The following EVC2 variants were observed in gnomAD, a reference collection of about 807,000 sequenced individuals.
EVC2 encodes EvC ciliary complex subunit 2.
EVC2 carries 148 observed loss-of-function variants against 149.3 expected under a neutral mutation model. That is an observed-to-expected ratio of 0.99 (90% confidence interval 0.87 to 1.14). EVC2 has a LOEUF of 1.14. Ranked by LOEUF, EVC2 falls within the 50% of genes most tolerant of loss-of-function variation. The probability of loss-of-function intolerance (pLI) is 0.00; values close to 1 mark genes in which losing one functional copy is unlikely to be tolerated. For missense variants in EVC2, 1,854 were observed against 1,627.3 expected, an observed-to-expected ratio of 1.14 and a Z score of -2.40; for synonymous variants, 776 against 649.9, an observed-to-expected ratio of 1.19 and a Z score of -2.95.
rs375393612 is a variant in EVC2 at position 5,628,690 on chromosome 4, C to T, written c.1755G>A (p.Arg585=). 2.7e-5 allele frequency: 44 copies of T among 1,613,608 alleles called. No homozygotes were observed. Among genetic ancestry groups the T allele is most frequent in the Non-Finnish European group, 3.5e-5 (41 of 1,179,966 alleles). ...ELMDFFQASK[R]YHLSKRFGHR... ...GGCCAAATCTTTTACTTAGATGATACCTCTTACTAGCCTGGAAAAAGTCCA... is the reference window on the plus strand; with the variant it reads ...GGCCAAATCTTTTACTTAGATGATATCTCTTACTAGCCTGGAAAAAGTCCA... Residue 585 remains arginine (R), a synonymous_variant, in exon 12 of 22, where the codon AGG becomes AGA. Transcript: ENST00000344408.
At chr4:5,695,933 T>C (rs948459289) in intron 2 of EVC2, among the ~76,000 whole-genome samples, 1 of 152,164 alleles carries the variant, frequency 6.6e-6, no homozygotes, top group Non-Finnish European at 1.5e-5. Flanking sequence ...ATTACAGTAT[T>C]TTTTTCCTTC....
At chr4:5,548,128 C>T (rs1170018120) in intron 21 of EVC2, among the ~76,000 whole-genome samples, 1 of 152,096 alleles carries the variant, frequency 6.6e-6, no homozygotes, top group East Asian at 2.0e-4. Flanking sequence ...CCCCTTGCCA[C>T]TCCATGCCTT....
At chr4:5,544,905 C>T (rs1203858284) in intron 21 of EVC2, among the ~76,000 whole-genome samples, 1 of 152,188 alleles carries the variant, frequency 6.6e-6, no homozygotes, top group Non-Finnish European at 1.5e-5. Flanking sequence ...AGCTTCAGAG[C>T]CTCCTCACTC....
In EVC2 at chr4:5,640,093, T is replaced by C. The variant is rs1717205630; in HGVS notation, c.1470+421A>G. Among the ~76,000 whole-genome samples the C allele has an allele frequency of 6.6e-6, 1 of 150,862 alleles. No individual in the cohort carries two copies. Among genetic ancestry groups the C allele is most frequent in the Non-Finnish European group, 1.5e-5 (1 of 67,712 alleles). ...ATGGGTGAATGGGTAAATGGATGAG[T>C]GGATGGGTAGAAGGCTAGATGGGGA... On this transcript the variant is annotated intron_variant, in intron 10 of 21. Transcript: ENST00000344408. The surrounding 1 kb of genome is among the most constrained non-coding windows in gnomAD (Gnocchi z 4.6).
In EVC2 at chr4:5,696,128, A is replaced by G. The variant is rs746792068; in HGVS notation, c.283+1465T>C. ...AGCATATGGGTGCAAGTGAGACCGG[A>G]CATCCATCTCCGGACCCCAGCACAG... On this transcript the variant is annotated intron_variant, in intron 2 of 21. Coordinates refer to ENST00000344408, the MANE Select transcript of EVC2 (RefSeq NM_147127.5). This position sits in a 1 kb window ranked among gnomAD's most constrained non-coding sequence, Gnocchi z 4.1. Among the ~76,000 whole-genome samples the G allele has an allele frequency of 4.6e-5, 7 of 152,158 alleles. No individual in the cohort carries two copies. Among genetic ancestry groups the G allele is most frequent in the African/African-American group, 7.2e-5 (3 of 41,452 alleles).
At chr4:5,571,257 G>T (rs1722627159) in intron 19 of EVC2, among the ~76,000 whole-genome samples, 1 of 142,062 alleles carries the variant, frequency 7.0e-6, no homozygotes, top group Non-Finnish European at 1.5e-5. Flanking sequence ...GGTGGAGGTT[G>T]CAGTGAGCCA....
intron 9 of EVC2, among the ~76,000 whole-genome samples, chr4:5,648,128 C>A: frequency 6.6e-6 from 1 of 152,118 alleles, no homozygotes; most frequent in East Asian, 1.9e-4. Flanking sequence ...ATTGGGATAG[C>A]CATCACCTTA....
chr4:5,620,383 G>A (rs772652750), intron 14 of EVC2, among the ~76,000 whole-genome samples: 3 of 152,284 alleles, frequency 2.0e-5, no homozygotes, highest in Middle Eastern at 3.4e-3. Context: ...TACAGGAGGC[G>A]AGATCTTTGC....
At chr4:5,704,970 A>G (rs1232216880) in intron 1 of EVC2, among the ~76,000 whole-genome samples, 2 of 152,106 alleles carry the variant, frequency 1.3e-5, no homozygotes. Context: ...TTAGCCTCCC[A>G]AAGTGTTGGG....
chr4:5,663,257 A>C lies in EVC2; in HGVS notation c.1006-11T>G, dbSNP rs1719025923. 2 of 1,613,918 alleles carry C rather than the reference A, an allele frequency of 1.2e-6. No homozygotes were observed. Among genetic ancestry groups the C allele is most frequent in the Non-Finnish European group, 1.7e-6 (2 of 1,179,858 alleles). On this transcript the variant is annotated splice_polypyrimidine_tract_variant and intron_variant, in intron 8 of 21. Transcript: ENST00000344408. The stretch of plus-strand genomic sequence containing the variant: ...CTCATACTGCCAAACCTTCAGGAGA[A>C]TTGCGGAAATAATAATTGATTGGGC...
At chr4:5,697,718 T>A in intron 1 of EVC2, 71 bp from the exon 2 acceptor site, 1 of 1,394,998 alleles carries the variant, frequency 7.2e-7, no homozygotes, top group Non-Finnish European at 1.0e-6. Context: ...ATAATCTTTG[T>A]AAATGACTCA....
At chr4:5,551,862 T>G (rs902616799) in intron 21 of EVC2, among the ~76,000 whole-genome samples, 3 of 150,990 alleles carry the variant, frequency 2.0e-5, no homozygotes, top group Non-Finnish European at 2.9e-5. Flanking sequence ...AAAACAGGAG[T>G]TTCCCTGCAC....
chr4:5,609,421 G>A (rs1418882473), intron 16 of EVC2, among the ~76,000 whole-genome samples: 1 of 152,202 alleles, frequency 6.6e-6, no homozygotes, highest in Non-Finnish European at 1.5e-5. Flanking sequence ...GAACATTAAA[G>A]CTGTCAACTC....
chr4:5,702,126 C>A (rs34939401), intron 1 of EVC2, among the ~76,000 whole-genome samples: 37,147 of 152,038 alleles, frequency 0.24, 4,612 homozygotes, highest in African/African-American at 0.26. Flanking sequence ...GAACAACTGT[C>A]GGAGTCCTGG....
At position 5,576,367 on chromosome 4, in the gene EVC2, G is replaced by A; in HGVS notation, c.3145C>T (p.Gln1049Ter). The change falls in exon 18 of 22, where the codon CAG (glutamine) becomes TAG (stop). Residue 1049 changes from glutamine (Q) to a stop codon, truncating the protein, a stop_gained. Coordinates refer to ENST00000344408, the MANE Select transcript of EVC2 (RefSeq NM_147127.5). LOFTEE classifies it high-confidence loss of function. This position sits in a 1 kb window ranked among gnomAD's most constrained non-coding sequence, Gnocchi z 4.5. The part of the protein sequence containing the change: ...QQQQALASWQ[Q>*]WVADGPGILN... ...ATCCCGGGCCCATCGGCCACCCACTGCTGCCAGCTCGCCAGGGCCTGCTGC... is the reference window on the plus strand; with the variant it reads ...ATCCCGGGCCCATCGGCCACCCACTACTGCCAGCTCGCCAGGGCCTGCTGC... The A allele has an allele frequency of 6.8e-6, 11 of 1,614,170 alleles. No homozygotes were observed. The highest frequency in any genetic ancestry group is 9.3e-6 in the Non-Finnish European group (11 of 1,180,032).
At chr4:5,604,589 AACAT>A (rs1352122409) in intron 16 of EVC2, among the ~76,000 whole-genome samples, 1 of 152,168 alleles carries the variant, frequency 6.6e-6, no homozygotes, top group Non-Finnish European at 1.5e-5. Flanking sequence ...AATGAGGACA[AACAT>A]ACAGTTAGAT....
In EVC2 at chr4:5,696,585, C is replaced by A. The variant is rs184663697; in HGVS notation, c.283+1008G>T. Among the ~76,000 whole-genome samples the A allele has an allele frequency of 2.6e-5, 4 of 152,170 alleles. No homozygotes were observed. ...TGAGGCTCAGGAGCCAGGGACTGCC[C>A]GCGGCATTTTTCCCACCATGGGGAA... On this transcript the variant is annotated intron_variant, in intron 2 of 21. Coordinates refer to ENST00000344408, the MANE Select transcript of EVC2 (RefSeq NM_147127.5). This position sits in a 1 kb window ranked among gnomAD's most constrained non-coding sequence, Gnocchi z 4.1.
intron 16 of EVC2, among the ~76,000 whole-genome samples, chr4:5,598,605 T>C (rs547654535): frequency 8.2e-4 from 124 of 152,002 alleles, no homozygotes; most frequent in African/African-American, 2.8e-3. Context: ...AGACCTAAAA[T>C]CATAAAAACC....
chr4:5,705,638 T>C (rs1212011385), intron 1 of EVC2, among the ~76,000 whole-genome samples: 1 of 152,210 alleles, frequency 6.6e-6, no homozygotes, highest in Non-Finnish European at 1.5e-5. Context: ...AAACCTCATC[T>C]ATGTCTGAGT....
Sources: allele counts gnomAD v4.1 joint callset (sites outside exome capture counted in the v4.1 genomes callset), GRCh38; gene constraint gnomAD v4.1.1; non-coding constraint Gnocchi (gnomAD v3.1); transcripts MANE v1.5; gene names NCBI Gene and HGNC (gene_info 2026-07-23, HGNC 2026-07-21).